Variants in KLHDC4 observed in about 807,000 individuals in gnomAD.
KLHDC4 encodes kelch domain containing 4.
A neutral mutation model predicts 62.4 loss-of-function variants in KLHDC4; 90 were observed. The ratio of observed to expected loss-of-function variants is 1.44; its 90% CI spans 1.22 to 1.72. The LOEUF (loss-of-function observed/expected upper bound fraction) is 1.72, where lower values mean the gene tolerates loss of function less well. Among genes scored for constraint, KLHDC4 ranks in the 40% most tolerant of loss-of-function variants. KLHDC4 has a pLI of 0.00. For synonymous variants in KLHDC4, 386 were observed against 284.4 expected, an observed-to-expected ratio of 1.36 and a Z score of -3.59; for missense variants, 1,025 against 699.7, an observed-to-expected ratio of 1.47 and a Z score of -5.25.
chr16:87,730,499 GC>G, intron 6 of KLHDC4, 52 bp downstream of exon 6: 1 of 1,378,140 alleles, frequency 7.3e-7, no homozygotes, highest in Admixed American at 2.2e-5. Context: ...TCTATAAAAA[GC>G]CCACTCCTTA....
intron 2 of KLHDC4, among the ~76,000 whole-genome samples, chr16:87,759,992 G>T (rs2045616098): frequency 6.6e-6 from 1 of 152,070 alleles, no homozygotes. Flanking sequence ...AGCCAATCCT[G>T]ACGATATGCT....
At chr16:87,718,150 G>A (rs2037372168) in intron 7 of KLHDC4, among the ~76,000 whole-genome samples, 1 of 152,188 alleles carries the variant, frequency 6.6e-6, no homozygotes, top group East Asian at 1.9e-4. Flanking sequence ...CAACCTGTCT[G>A]TCTTCAAAGA....
exon 1 of KLHDC4, chr16:87,698,687 T>C (rs1164039943): frequency 2.6e-5 from 4 of 152,180 alleles, no homozygotes; most frequent in African/African-American, 9.7e-5. Flanking sequence ...ATGCCCCGGG[T>C]CTGAGAGAAT....
chr16:87,733,364 C>T (rs933710116), intron 5 of KLHDC4, among the ~76,000 whole-genome samples: 3 of 152,206 alleles, frequency 2.0e-5, no homozygotes, highest in African/African-American at 7.2e-5. Flanking sequence ...TCAGAAAGCT[C>T]GCAGAGGTGC....
downstream of KLHDC4, among the ~76,000 whole-genome samples, chr16:87,705,795 G>A (rs1176321837): frequency 6.6e-6 from 1 of 151,886 alleles, no homozygotes; most frequent in Admixed American, 6.6e-5. Flanking sequence ...GGGCCTGGGC[G>A]GGGGCGGGGG....
At chr16:87,736,847 G>A (rs949603471) in intron 5 of KLHDC4, among the ~76,000 whole-genome samples, 6 of 152,072 alleles carry the variant, frequency 3.9e-5, no homozygotes, top group Non-Finnish European at 7.4e-5. Flanking sequence ...GAAATCGGCC[G>A]GGCGCGGTGG....
intron 1 of KLHDC4, 63 bp downstream of exon 1, chr16:87,765,729 G>A (rs1597460742): frequency 1.3e-5 from 19 of 1,462,628 alleles, no homozygotes; most frequent in Non-Finnish European, 1.7e-5. Flanking sequence ...GGGGGGCGCA[G>A]GGAGTCGGCC....
chr16:87,763,344 T>TGTAATCCCCACA (rs1391498914), intron 1 of KLHDC4: 1 of 152,270 alleles, frequency 6.6e-6, no homozygotes, highest in African/African-American at 2.4e-5. Flanking sequence ...GGCTCACGCC[T>TGTAATCCCCACA]GTAATCCCCG....
At chr16:87,759,207 T>C (rs1307505946) in intron 2 of KLHDC4, among the ~76,000 whole-genome samples, 2 of 147,942 alleles carry the variant, frequency 1.4e-5, no homozygotes, top group Non-Finnish European at 3.0e-5. Flanking sequence ...TAAAATAAAA[T>C]GGCAAATTTT....
intron 2 of KLHDC4, among the ~76,000 whole-genome samples, chr16:87,761,420 T>C (rs750173143): frequency 4.6e-5 from 7 of 152,240 alleles, no homozygotes; most frequent in African/African-American, 7.2e-5. Flanking sequence ...AATCTCCTAC[T>C]GAGGGAAATA....
rs1432621556 is a variant in KLHDC4 at position 87,723,491 on chromosome 16, G to A, written c.759+3274C>T. Among the ~76,000 whole-genome samples the A allele has an allele frequency of 9.9e-5, 15 of 152,274 alleles. 1 individual carries two copies. Among genetic ancestry groups the A allele is most frequent in the Admixed American group, 3.9e-4 (6 of 15,288 alleles). ...GCACTCTACGACACATCTGCTGGGA[G>A]AAAGCACTAGACCGGGGCATCCTGC... On this transcript the variant is annotated intron_variant, in intron 7 of 11. Coordinates refer to ENST00000270583, the MANE Select transcript of KLHDC4 (RefSeq NM_017566.4).
chr16:87,708,894 C>T (rs1042473860), intron 10 of KLHDC4, among the ~76,000 whole-genome samples: 11 of 152,246 alleles, frequency 7.2e-5, no homozygotes, highest in East Asian at 1.9e-4. Flanking sequence ...CGTGTGACTA[C>T]GGCAGCAGAG....
intron 7 of KLHDC4, among the ~76,000 whole-genome samples, chr16:87,718,468 T>C (rs945237310): frequency 8.0e-4 from 121 of 150,850 alleles, no homozygotes; most frequent in African/African-American, 2.8e-3. Context: ...GCAACCTCCC[T>C]GCCTGATTCT....
At chr16:87,748,320 G>A (rs965277672) in intron 5 of KLHDC4, among the ~76,000 whole-genome samples, 22 of 152,280 alleles carry the variant, frequency 1.4e-4, no homozygotes, top group African/African-American at 4.8e-4. Context: ...ATGACACATC[G>A]CTATGGGGCC....
downstream of KLHDC4, chr16:87,707,774 T>C: frequency 3.0e-6 from 1 of 331,634 alleles, no homozygotes. Context: ...AAGACTGCGG[T>C]GTGCCTAGGG....
intron 1 of KLHDC4, chr16:87,765,287 C>T (rs1263448320): frequency 2.2e-6 from 1 of 456,192 alleles, no homozygotes; most frequent in Admixed American, 2.3e-5. Context: ...GTGCCTTCTT[C>T]ACTTAACCAT....
chr16:87,765,042 G>T (rs143280646), intron 1 of KLHDC4: 2 of 444,376 alleles, frequency 4.5e-6, no homozygotes, highest in Non-Finnish European at 9.0e-6. Context: ...TGTCAAATGG[G>T]AATACCAGTG....
At chr16:87,704,801 C>T (rs1031112593), downstream of KLHDC4, among the ~76,000 whole-genome samples, 1 of 152,204 alleles carries the variant, frequency 6.6e-6, no homozygotes, top group African/African-American at 2.4e-5. Context: ...AATTTCTAAG[C>T]TCAATGGGTG....
chr16:87,718,775 G>C (rs9938858), intron 7 of KLHDC4, among the ~76,000 whole-genome samples: 70,764 of 150,746 alleles, frequency 0.47, 16,659 homozygotes, highest in Middle Eastern at 0.6. Flanking sequence ...TGTCTGGGAA[G>C]TGACGAGCGT....
Sources: allele counts gnomAD v4.1 joint callset (sites outside exome capture counted in the v4.1 genomes callset), GRCh38; gene constraint gnomAD v4.1.1; transcripts MANE v1.5; gene names NCBI Gene and HGNC (gene_info 2026-07-23, HGNC 2026-07-21).